Variants in SLC14A2 observed in about 807,000 individuals in gnomAD.
The protein encoded by SLC14A2 is urea transporter 2.
A neutral mutation model predicts 104.6 loss-of-function variants in SLC14A2; 91 were observed. The ratio of observed to expected loss-of-function variants is 0.87; its 90% CI spans 0.73 to 1.04. The LOEUF is 1.04. Among genes scored for constraint, SLC14A2 ranks in the 50% least tolerant of loss-of-function variants. SLC14A2 has a pLI of 0.00. For synonymous variants in SLC14A2, 476 were observed against 466.4 expected (o/e 1.02, Z -0.27); for missense variants, 1,189 against 1,156.0 (o/e 1.03, Z -0.41).
At chr18:45,482,992 T>C (rs919390800) in intron 1 of SLC14A2, among the ~76,000 whole-genome samples, 2 of 152,180 alleles carry the variant, frequency 1.3e-5, no homozygotes, top group Admixed American at 1.3e-4. Context: ...AGAAAATATA[T>C]TTGCATGTAT....
intron 5 of SLC14A2, among the ~76,000 whole-genome samples, chr18:45,636,413 C>T (rs772672653): frequency 6.6e-6 from 1 of 152,196 alleles, no homozygotes; most frequent in African/African-American, 2.4e-5. Flanking sequence ...CTCCAACACC[C>T]ATTCTCCTTC....
chr18:45,394,065 T>C (rs1568180731), intron 1 of SLC14A2, among the ~76,000 whole-genome samples: 1 of 152,244 alleles, frequency 6.6e-6, no homozygotes, highest in Non-Finnish European at 1.5e-5. Flanking sequence ...AGGATTTTAT[T>C]TGCCCTCTTA....
At chr18:45,233,158 G>T (rs1044271213) in intron 1 of SLC14A2, among the ~76,000 whole-genome samples, 3 of 152,162 alleles carry the variant, frequency 2.0e-5, no homozygotes, top group African/African-American at 7.2e-5. Context: ...ATATCGGAGT[G>T]GTAGTGAGTT....
chr18:45,289,789 A>ATG (rs911919606), intron 1 of SLC14A2, among the ~76,000 whole-genome samples: 3 of 152,170 alleles, frequency 2.0e-5, no homozygotes. Flanking sequence ...AGAAGTGCCA[A>ATG]TGTGTCATGC....
chr18:45,451,274 C>T (rs1341192884), intron 1 of SLC14A2, among the ~76,000 whole-genome samples: 1 of 151,828 alleles, frequency 6.6e-6, no homozygotes, highest in Non-Finnish European at 1.5e-5. Context: ...AAAGCCTGTC[C>T]CTAAGAGAGG....
intron 2 of SLC14A2, among the ~76,000 whole-genome samples, chr18:45,544,460 G>T (rs1451479703): frequency 4.6e-5 from 7 of 152,098 alleles, no homozygotes; most frequent in Non-Finnish European, 7.4e-5. Flanking sequence ...GTTTGTTCCT[G>T]ATGTTGTCTT....
At chr18:45,243,798 C>G (rs1241510773) in intron 1 of SLC14A2, among the ~76,000 whole-genome samples, 1 of 152,142 alleles carries the variant, frequency 6.6e-6, no homozygotes, top group Non-Finnish European at 1.5e-5. Context: ...CTGTTGGCAT[C>G]TGAATATACG....
intron 2 of SLC14A2, among the ~76,000 whole-genome samples, chr18:45,544,197 A>G (rs1462776827): frequency 6.6e-6 from 1 of 152,232 alleles, no homozygotes; most frequent in Non-Finnish European, 1.5e-5. Context: ...TAAGTTCTTT[A>G]GTAAATCACT....
chr18:45,241,818 T>C (rs2084320985), intron 1 of SLC14A2, among the ~76,000 whole-genome samples: 1 of 152,022 alleles, frequency 6.6e-6, no homozygotes, highest in Admixed American at 6.6e-5. Flanking sequence ...TAATTTTGTA[T>C]TTTTAGTAGA....
At chr18:45,325,025 A>G (rs892392905) in intron 1 of SLC14A2, among the ~76,000 whole-genome samples, 7 of 152,134 alleles carry the variant, frequency 4.6e-5, no homozygotes. Flanking sequence ...TGCAGGGCTC[A>G]TTACCTCGCA....
At chr18:45,382,229 A>C (rs1243029000) in intron 1 of SLC14A2, among the ~76,000 whole-genome samples, 1 of 152,174 alleles carries the variant, frequency 6.6e-6, no homozygotes, top group East Asian at 1.9e-4. Flanking sequence ...GAGTATGCTT[A>C]AGTTATTGCT....
intron 1 of SLC14A2, among the ~76,000 whole-genome samples, chr18:45,241,674 AC>A (rs1369092394): frequency 1.9e-5 from 2 of 106,044 alleles, no homozygotes; most frequent in Non-Finnish European, 3.6e-5. Context: ...ATGGAGTTTC[AC>A]TCTTGTTGCC....
chr18:45,673,563 T>C lies in SLC14A2; in HGVS notation c.2378-120T>C, dbSNP rs1341413552. On this transcript the variant is annotated intron_variant, in intron 17 of 19. Transcript: ENST00000255226. ...ACAGAATAAAGCCAGAAGTCCTTTT[T>C]GTATAACTACCTAAGAAGATAACTG... 2.7e-6 allele frequency: 3 copies of C among 1,126,442 alleles called. No homozygotes were observed. The African/African-American group carries it at 4.7e-5, about 18-fold the overall frequency. The allele number at this position is 1,126,442 out of a possible 1,614,324, so 69.8% of individuals were successfully genotyped here.
intron 1 of SLC14A2, among the ~76,000 whole-genome samples, chr18:45,286,793 T>G (rs571046306): frequency 6.6e-6 from 1 of 152,266 alleles, no homozygotes; most frequent in East Asian, 1.9e-4. Flanking sequence ...TGCTCATAGA[T>G]GTTATGGAAA....
chr18:45,465,702 T>C (rs1157747400), intron 1 of SLC14A2, among the ~76,000 whole-genome samples: 1 of 152,150 alleles, frequency 6.6e-6, no homozygotes, highest in Non-Finnish European at 1.5e-5. Flanking sequence ...GGAGCCCACC[T>C]GACCCAGGAA....
At chr18:45,417,163 A>G (rs933025414) in intron 1 of SLC14A2, among the ~76,000 whole-genome samples, 6 of 152,226 alleles carry the variant, frequency 3.9e-5, no homozygotes, top group Non-Finnish European at 8.8e-5. Context: ...CTGATCTGTG[A>G]AAAGTCACCT....
Position 45,639,755 on chromosome 18 carries a change from G to A in SLC14A2, c.853G>A (p.Ala285Thr), listed in dbSNP as rs1274096954. The change falls in exon 7 of 20, where the codon GCC becomes ACC. Residue 285 changes from alanine to threonine, a missense_variant. Physicochemically the swap from Ala to Thr is moderately conservative, Grantham distance 58. Transcript: ENST00000255226. ...TEMEMPLLLQAIPVGVGQVYG... is the reference protein window; with the variant it reads ...TEMEMPLLLQTIPVGVGQVYG... ...TCTGTTAACTTTGCAGCTGTTACAA[G>A]CCATCCCTGTTGGGGTCGGCCAGGT... is the stretch of plus-strand genomic sequence containing the variant. 1.5e-5 allele frequency: 25 copies of A among 1,613,682 alleles called. No individual in the cohort carries two copies. The highest frequency in any genetic ancestry group is 1.9e-5 in the Non-Finnish European group (23 of 1,179,954).
chr18:45,298,094 TATA>T (rs1568140858), intron 1 of SLC14A2, among the ~76,000 whole-genome samples: 1 of 152,218 alleles, frequency 6.6e-6, no homozygotes, highest in African/African-American at 2.4e-5. Flanking sequence ...ATAATCATAA[TATA>T]ATATCTTCTG....
intron 1 of SLC14A2, among the ~76,000 whole-genome samples, chr18:45,367,953 G>A (rs201058146): frequency 6.6e-6 from 1 of 152,094 alleles, no homozygotes; most frequent in Admixed American, 6.5e-5. Context: ...GGCAAATCTT[G>A]AGCTCACTGG....
Sources: gnomAD v4.1 joint callset for allele counts (sites outside exome capture counted in the v4.1 genomes callset) on GRCh38, gnomAD v4.1.1 for gene constraint, MANE v1.5 for transcripts, NCBI Gene and HGNC (gene_info 2026-07-23, HGNC 2026-07-21) for gene names.